The following ACBD6 variants were observed in gnomAD, a reference collection of about 807,000 sequenced individuals.
ACBD6 encodes acyl-CoA-binding domain-containing protein 6.
Under a neutral mutation model 37.2 loss-of-function variants are expected in ACBD6, and 28 were observed. The ratio of observed to expected loss-of-function variants is 0.75; its 90% CI spans 0.56 to 1.03. ACBD6 has a LOEUF of 1.03. Ranked by LOEUF, ACBD6 falls within the 50% of genes least tolerant of loss-of-function variation. The pLI is 0.00. For synonymous variants in ACBD6, 113 were observed against 126.8 expected, an observed-to-expected ratio of 0.89 and a Z score of 0.73; for missense variants, 340 against 337.4, an observed-to-expected ratio of 1.01 and a Z score of -0.06.
chr1:180,461,399 C>T (rs1229643237), intron 3 of ACBD6, among the ~76,000 whole-genome samples: 1 of 152,068 alleles, frequency 6.6e-6, no homozygotes. Flanking sequence ...GAAATGCAGA[C>T]AGGAAATGCA....
intron 7 of ACBD6, among the ~76,000 whole-genome samples, chr1:180,303,380 G>C (rs963420061): frequency 6.6e-6 from 1 of 150,960 alleles, no homozygotes; most frequent in Non-Finnish European, 1.5e-5. Flanking sequence ...AAGAAGAAAA[G>C]AGAGAAGAAT....
chr1:180,318,166 C>A (rs965701488), intron 6 of ACBD6, among the ~76,000 whole-genome samples: 9 of 77,700 alleles, frequency 1.2e-4, no homozygotes, highest in East Asian at 1.1e-3. Flanking sequence ...CATCTCCGCC[C>A]CCCCCCCCCA....
At chr1:180,272,975 G>A (rs1648779302) in intron 12 of ACBD6, 1 of 152,232 alleles carries the variant, frequency 6.6e-6, no homozygotes, top group African/African-American at 2.4e-5. Flanking sequence ...CAGGTATAGG[G>A]AAAAGGCTAA....
downstream of ACBD6, chr1:180,287,095 T>C (rs532269531): frequency 5.9e-5 from 9 of 152,250 alleles, no homozygotes; most frequent in Admixed American, 2.6e-4. Flanking sequence ...AGGGAAAATG[T>C]TGGGAGCCAG....
exon 14 of ACBD6, chr1:180,270,754 C>T (rs1320901428): frequency 6.4e-6 from 1 of 157,324 alleles, no homozygotes; most frequent in Non-Finnish European, 1.4e-5. Context: ...TCTTGCCATT[C>T]CATCCCATTC....
chr1:180,382,588 G>C (rs1653698796), intron 6 of ACBD6, among the ~76,000 whole-genome samples: 1 of 152,096 alleles, frequency 6.6e-6, no homozygotes, highest in Non-Finnish European at 1.5e-5. Context: ...GAAAAGTCCA[G>C]GACTGGATGG....
chr1:180,476,687 G>A (rs753464989), intron 3 of ACBD6, among the ~76,000 whole-genome samples: 2 of 152,018 alleles, frequency 1.3e-5, no homozygotes, highest in Non-Finnish European at 2.9e-5. Context: ...TGAGCCGGGC[G>A]TGGTGGCGGG....
At chr1:180,341,809 C>G (rs1039590730) in intron 6 of ACBD6, among the ~76,000 whole-genome samples, 2 of 152,014 alleles carry the variant, frequency 1.3e-5, no homozygotes, top group African/African-American at 4.8e-5. Flanking sequence ...TCTCTGTGGT[C>G]ATGGTATTGT....
chr1:180,302,643 C>A (rs1204947493), intron 7 of ACBD6, among the ~76,000 whole-genome samples: 3 of 151,846 alleles, frequency 2.0e-5, no homozygotes, highest in Non-Finnish European at 4.4e-5. Context: ...TAGACTCCCA[C>A]ACAATAATAA....
intron 5 of ACBD6, among the ~76,000 whole-genome samples, chr1:180,407,744 C>G (rs888501286): frequency 3.3e-5 from 5 of 152,202 alleles, no homozygotes; most frequent in Non-Finnish European, 7.3e-5. Flanking sequence ...GTCTGTAAAA[C>G]AAGGACAATA....
intron 3 of ACBD6, among the ~76,000 whole-genome samples, chr1:180,483,806 T>G (rs1219939098): frequency 6.6e-6 from 1 of 152,164 alleles, no homozygotes; most frequent in Non-Finnish European, 1.5e-5. Context: ...CCAAATACAC[T>G]CAAATGTAAT....
At chr1:180,386,946 C>G (rs933024754) in intron 6 of ACBD6, among the ~76,000 whole-genome samples, 2 of 152,040 alleles carry the variant, frequency 1.3e-5, no homozygotes, top group African/African-American at 4.8e-5. Context: ...TGTGATTTCC[C>G]AGGTTCTTGG....
chr1:180,458,388 G>A (rs1650001418), intron 3 of ACBD6, among the ~76,000 whole-genome samples: 1 of 152,166 alleles, frequency 6.6e-6, no homozygotes, highest in South Asian at 2.1e-4. Context: ...TCACTGTAAA[G>A]TATATTAATC....
exon 9 of ACBD6, chr1:180,281,308 A>G (rs542008728): frequency 1.3e-5 from 2 of 152,374 alleles, no homozygotes; most frequent in East Asian, 1.9e-4. Flanking sequence ...AGACTCACTC[A>G]GGAGAACAAA....
At chr1:180,382,662 T>C (rs922481147) in intron 6 of ACBD6, among the ~76,000 whole-genome samples, 4 of 151,892 alleles carry the variant, frequency 2.6e-5, no homozygotes, top group Non-Finnish European at 4.4e-5. Flanking sequence ...AACCATTCTT[T>C]AAAAAAAACT....
intron 6 of ACBD6, among the ~76,000 whole-genome samples, chr1:180,329,733 A>T (rs1021668856): frequency 1.1e-4 from 16 of 152,200 alleles, no homozygotes; most frequent in African/African-American, 3.9e-4. Context: ...AAATAAAGCC[A>T]ACATTAAAGT....
At chr1:180,328,449 GCT>G (rs151154882) in intron 6 of ACBD6, among the ~76,000 whole-genome samples, 5,473 of 150,584 alleles carry the variant, frequency 0.036, 310 homozygotes, top group African/African-American at 0.12. Context: ...TGATTCTGAT[GCT>G]CTAATTCAAT....
intron 8 of ACBD6, among the ~76,000 whole-genome samples, chr1:180,282,296 G>A (rs1025503460): frequency 2.0e-5 from 3 of 152,100 alleles, no homozygotes; most frequent in Non-Finnish European, 2.9e-5. Context: ...TGGCTGGGAG[G>A]GGTTGGGGAT....
At chr1:180,395,596 T>C (rs888107834) in intron 6 of ACBD6, among the ~76,000 whole-genome samples, 4 of 151,960 alleles carry the variant, frequency 2.6e-5, no homozygotes, top group African/African-American at 9.7e-5. Context: ...GAAAATGAAA[T>C]AAAAGGTACC....
Sources: allele counts gnomAD v4.1 joint callset (sites outside exome capture counted in the v4.1 genomes callset), GRCh38; gene constraint gnomAD v4.1.1; transcripts MANE v1.5; gene names NCBI Gene and HGNC (gene_info 2026-07-23, HGNC 2026-07-21).